The following GALNTL6 variants were observed in gnomAD, a reference collection of about 807,000 sequenced individuals.
GALNTL6 encodes polypeptide N-acetylgalactosaminyltransferase like 6.
A neutral mutation model predicts 73.7 loss-of-function variants in GALNTL6; 46 were observed. The ratio of observed to expected loss-of-function variants is 0.62; its 90% CI spans 0.49 to 0.80. GALNTL6 has a LOEUF of 0.80. GALNTL6 is among the 30% of genes least tolerant of loss of function. The pLI is 0.00. For missense variants in GALNTL6, 604 were observed against 755.0 expected, an observed-to-expected ratio of 0.80 and a Z score of 2.34; for synonymous variants, 259 against 263.7, an observed-to-expected ratio of 0.98 and a Z score of 0.17.
intron 5 of GALNTL6, among the ~76,000 whole-genome samples, chr4:172,582,385 C>T (rs777128281): frequency 6.6e-6 from 1 of 151,912 alleles, no homozygotes; most frequent in African/African-American, 2.4e-5. Context: ...TCTTGGTATC[C>T]GAGGATTGGT....
chr4:172,502,946 C>T (rs914245137), intron 5 of GALNTL6, among the ~76,000 whole-genome samples: 1 of 152,144 alleles, frequency 6.6e-6, no homozygotes, highest in Non-Finnish European at 1.5e-5. Context: ...TGTAAATATT[C>T]ATGAAGTAAT....
chr4:172,704,028 A>G (rs1734182414), intron 5 of GALNTL6, among the ~76,000 whole-genome samples: 1 of 151,934 alleles, frequency 6.6e-6, no homozygotes, highest in Admixed American at 6.6e-5. Flanking sequence ...TTGCTATGAT[A>G]TCTGTTGTAA....
chr4:172,992,859 C>T (rs1309696868), intron 10 of GALNTL6, among the ~76,000 whole-genome samples: 1 of 152,112 alleles, frequency 6.6e-6, no homozygotes, highest in South Asian at 2.1e-4. Flanking sequence ...GCTAAGCAAG[C>T]AGGGAGTTTA....
chr4:172,806,248 C>T (rs937751143), intron 5 of GALNTL6, among the ~76,000 whole-genome samples: 1 of 152,104 alleles, frequency 6.6e-6, no homozygotes, highest in African/African-American at 2.4e-5. Context: ...CCATAAATTT[C>T]AAACTAGAAG....
chr4:172,577,020 C>T (rs774747835), intron 5 of GALNTL6, among the ~76,000 whole-genome samples: 6 of 152,158 alleles, frequency 3.9e-5, no homozygotes, highest in Non-Finnish European at 8.8e-5. Flanking sequence ...GCCAAACGGT[C>T]TCCACCTCTA....
intron 5 of GALNTL6, among the ~76,000 whole-genome samples, chr4:172,654,374 T>G (rs1730868651): frequency 6.6e-6 from 1 of 152,222 alleles, no homozygotes; most frequent in African/African-American, 2.4e-5. Context: ...AGAGTTCTAT[T>G]TCTTGTGTCA....
At chr4:171,985,295 AGAGAAAAT>A (rs764877185) in intron 2 of GALNTL6, among the ~76,000 whole-genome samples, 9 of 152,342 alleles carry the variant, frequency 5.9e-5, no homozygotes, top group Non-Finnish European at 1.2e-4. Context: ...GCAGCAAGCC[AGAGAAAAT>A]GAGAGCCAAG....
At chr4:172,948,998 A>G (rs1214380443) in intron 9 of GALNTL6, among the ~76,000 whole-genome samples, 1 of 152,132 alleles carries the variant, frequency 6.6e-6, no homozygotes, top group Non-Finnish European at 1.5e-5. Context: ...ACTGCACCGG[A>G]ATTAGTTAGT....
intron 5 of GALNTL6, among the ~76,000 whole-genome samples, chr4:172,754,362 G>A (rs146234882): frequency 1.2e-4 from 18 of 152,234 alleles, no homozygotes; most frequent in Middle Eastern, 6.8e-3. Flanking sequence ...CCTGAGGTCA[G>A]GAGTTCAAGA....
At chr4:172,204,167 G>A (rs1736036300) in intron 2 of GALNTL6, among the ~76,000 whole-genome samples, 1 of 152,054 alleles carries the variant, frequency 6.6e-6, no homozygotes, top group African/African-American at 2.4e-5. Flanking sequence ...TAGGTTGTTT[G>A]CTATATATAA....
chr4:172,658,023 G>T (rs1374024807), intron 5 of GALNTL6, among the ~76,000 whole-genome samples: 2 of 145,144 alleles, frequency 1.4e-5, no homozygotes, highest in Admixed American at 6.9e-5. Flanking sequence ...AGTGGCGGGC[G>T]CCTGTAGTCC....
At chr4:171,871,944 A>C (rs1367807395) in intron 2 of GALNTL6, among the ~76,000 whole-genome samples, 4 of 152,174 alleles carry the variant, frequency 2.6e-5, no homozygotes, top group Non-Finnish European at 1.5e-5. Context: ...CCAGTGTTGC[A>C]CCCTCCACAA....
intron 3 of GALNTL6, among the ~76,000 whole-genome samples, chr4:172,257,610 G>T (rs1738125181): frequency 6.6e-6 from 1 of 151,438 alleles, no homozygotes; most frequent in Admixed American, 6.6e-5. Flanking sequence ...AAGCAGAGGT[G>T]TTTAGTAATG....
chr4:172,720,764 A>G (rs1029103388), intron 5 of GALNTL6, among the ~76,000 whole-genome samples: 6 of 152,346 alleles, frequency 3.9e-5, no homozygotes, highest in African/African-American at 1.4e-4. Context: ...AAGAATCAGA[A>G]AATTATTTTA....
chr4:171,929,054 C>T (rs1163194703), intron 2 of GALNTL6, among the ~76,000 whole-genome samples: 1 of 151,926 alleles, frequency 6.6e-6, no homozygotes, highest in East Asian at 1.9e-4. Context: ...TCATTTGCCA[C>T]TTCATTTTAC....
At chr4:172,889,788 G>A (rs1745928482) in intron 8 of GALNTL6, among the ~76,000 whole-genome samples, 1 of 152,068 alleles carries the variant, frequency 6.6e-6, no homozygotes, top group African/African-American at 2.4e-5. Flanking sequence ...TTAGAGAGGA[G>A]TCCTTCCTTG....
intron 5 of GALNTL6, chr4:172,669,090 A>G (rs555293807): frequency 1.1e-4 from 16 of 152,344 alleles, no homozygotes; most frequent in African/African-American, 3.8e-4. Flanking sequence ...TTCAAAATCC[A>G]TCATTTGGGG....
At chr4:172,800,727 G>T (rs7674563) in intron 5 of GALNTL6, among the ~76,000 whole-genome samples, 2,053 of 152,024 alleles carry the variant, frequency 0.014, 60 homozygotes, top group African/African-American at 0.047. Context: ...ATTGATTATG[G>T]TAAGTTCAAA....
rs1174068780 is a variant in GALNTL6 at position 172,923,621 on chromosome 4, C to A, written c.1042-7540C>A. ...TAGGTAGACTTAGTATCCAACACTG[C>A]CCCATGTGTGCACACCAAGGGGAGT... On this transcript the variant is annotated intron_variant, in intron 8 of 12. Coordinates refer to ENST00000506823, the MANE Select transcript of GALNTL6 (RefSeq NM_001034845.3). Among the ~76,000 whole-genome samples the A allele has an allele frequency of 2.6e-5, 4 of 152,162 alleles. No homozygotes were observed. The East Asian group carries it at 7.7e-4, about 29-fold the overall frequency.
Sources: allele counts gnomAD v4.1 joint callset (sites outside exome capture counted in the v4.1 genomes callset), GRCh38; gene constraint gnomAD v4.1.1; transcripts MANE v1.5; gene names NCBI Gene and HGNC (gene_info 2026-07-23, HGNC 2026-07-21).